EXOC2: variants seen among roughly 807,000 people sequenced by gnomAD.
EXOC2 encodes exocyst complex component 2.
In EXOC2, 70 loss-of-function variants were observed where a neutral mutation model predicts 131.8. The ratio of observed to expected loss-of-function variants is 0.53; its 90% CI spans 0.44 to 0.65. EXOC2 has a LOEUF of 0.65. EXOC2 is among the 30% of genes least tolerant of loss of function. The pLI is 0.00. For synonymous variants in EXOC2, 411 were observed against 398.4 expected (o/e 1.03, Z -0.38); for missense variants, 923 against 1,108.6 (o/e 0.83, Z 2.38).
chr6:623,288 G>A (rs1021277807), intron 4 of EXOC2, among the ~76,000 whole-genome samples: 2 of 151,908 alleles, frequency 1.3e-5, no homozygotes, highest in Admixed American at 6.6e-5. Flanking sequence ...ACCCCTACCC[G>A]GATGCGTCGT....
intron 21 of EXOC2, among the ~76,000 whole-genome samples, chr6:552,252 C>T (rs535217623): frequency 1.4e-4 from 22 of 152,376 alleles, no homozygotes; most frequent in Admixed American, 2.0e-4. Flanking sequence ...CTAGGCAGGA[C>T]GTCGCTCCCT....
intron 1 of EXOC2, among the ~76,000 whole-genome samples, chr6:672,742 T>C (rs1242923069): frequency 6.6e-6 from 1 of 152,240 alleles, no homozygotes; most frequent in African/African-American, 2.4e-5. Context: ...ATAAGGGAAG[T>C]TGCTGATTTT....
intron 1 of EXOC2, among the ~76,000 whole-genome samples, chr6:653,436 A>G (rs1321176303): frequency 6.6e-6 from 1 of 152,254 alleles, no homozygotes; most frequent in Non-Finnish European, 1.5e-5. Context: ...AAACAGCTTT[A>G]TTGCTGATAT....
At chr6:666,905 G>T in intron 1 of EXOC2, among the ~76,000 whole-genome samples, 1 of 92,546 alleles carries the variant, frequency 1.1e-5, no homozygotes, top group Non-Finnish European at 2.5e-5. Flanking sequence ...CTATCTTAGA[G>T]TTTGCAATAT....
intron 22 of EXOC2, among the ~76,000 whole-genome samples, chr6:539,144 C>T (rs1317293962): frequency 6.6e-6 from 1 of 151,884 alleles, no homozygotes; most frequent in Admixed American, 6.6e-5. Flanking sequence ...AAGGGTTTAT[C>T]TGGAGGTAGC....
intron 23 of EXOC2, among the ~76,000 whole-genome samples, chr6:510,186 G>A (rs182461968): frequency 1.3e-5 from 2 of 152,218 alleles, no homozygotes; most frequent in Admixed American, 6.5e-5. Context: ...AGCAAAATCA[G>A]CTCTTGTTGG....
chr6:505,002 A>G (rs1419059307), intron 23 of EXOC2, among the ~76,000 whole-genome samples: 3 of 152,238 alleles, frequency 2.0e-5, no homozygotes, highest in East Asian at 1.9e-4. Flanking sequence ...TCTTTCTGAA[A>G]TGCAAGGTAT....
At position 486,569 on chromosome 6, in the gene EXOC2, G is replaced by A; in HGVS notation, c.*102C>T. The A allele has an allele frequency of 9.4e-7, 1 of 1,058,958 alleles. No individual in the cohort carries two copies. The highest frequency in any genetic ancestry group is 1.4e-6 in the Non-Finnish European group (1 of 722,150). 65.6% of individuals were successfully genotyped at this position (1,058,958 alleles called of 1,614,324 possible). ...TCAGAGGAAGAAAAAAGAGAAAAAT[G>A]GCAAACCCAATGTTTAATACACCAA... On this transcript the variant is annotated 3_prime_UTR_variant, in exon 28 of 28. Transcript: ENST00000230449.
At chr6:627,469 TTCCC>T (rs1761636031) in intron 4 of EXOC2, among the ~76,000 whole-genome samples, 1 of 152,208 alleles carries the variant, frequency 6.6e-6, no homozygotes, top group Non-Finnish European at 1.5e-5. Context: ...CCTCCCCGTG[TTCCC>T]TGATGCTACA....
chr6:580,217 T>G (rs531788409), intron 11 of EXOC2, among the ~76,000 whole-genome samples: 2 of 152,258 alleles, frequency 1.3e-5, no homozygotes, highest in South Asian at 4.2e-4. Context: ...AATTTTTGTA[T>G]TTTTAGTAGA....
chr6:690,438 C>T (rs552443619), intron 1 of EXOC2, among the ~76,000 whole-genome samples: 13 of 152,326 alleles, frequency 8.5e-5, no homozygotes, highest in African/African-American at 3.1e-4. Context: ...CGGCCCGGCG[C>T]AGGGGTTCAC....
chr6:613,110 T>G (rs951655189), intron 6 of EXOC2, among the ~76,000 whole-genome samples: 2 of 152,006 alleles, frequency 1.3e-5, no homozygotes, highest in African/African-American at 2.4e-5. Context: ...CACTCCCACT[T>G]CAAGGGAACA....
chr6:621,037 G>A (rs534634210), intron 4 of EXOC2, among the ~76,000 whole-genome samples: 38 of 152,280 alleles, frequency 2.5e-4, no homozygotes, highest in African/African-American at 8.9e-4. Context: ...TCAGCCTCCA[G>A]TGGTCTCAGT....
chr6:544,562 G>A (rs758281775), intron 22 of EXOC2, among the ~76,000 whole-genome samples: 11 of 152,142 alleles, frequency 7.2e-5, no homozygotes, highest in East Asian at 1.9e-4. Flanking sequence ...TTGTTTATAC[G>A]TATAACACAA....
chr6:556,133 T>A, intron 18 of EXOC2, 120 bp from the exon 19 acceptor site: 1 of 914,072 alleles, frequency 1.1e-6, no homozygotes, highest in Non-Finnish European at 1.7e-6. Flanking sequence ...GCCCTTCCTA[T>A]AAAAGGAGGC....
At chr6:616,673 T>C (rs1448874159) in intron 6 of EXOC2, among the ~76,000 whole-genome samples, 1 of 150,404 alleles carries the variant, frequency 6.6e-6, no homozygotes, top group African/African-American at 2.4e-5. Flanking sequence ...CTGCATCACA[T>C]ACACATTTAA....
At chr6:505,005 C>CAA (rs946777780) in intron 23 of EXOC2, among the ~76,000 whole-genome samples, 4 of 152,114 alleles carry the variant, frequency 2.6e-5, no homozygotes, top group Non-Finnish European at 5.9e-5. Flanking sequence ...TTCTGAAATG[C>CAA]AAGGTATTAA....
At chr6:652,282 T>A (rs964143870) in intron 1 of EXOC2, among the ~76,000 whole-genome samples, 4 of 152,172 alleles carry the variant, frequency 2.6e-5, no homozygotes, top group African/African-American at 9.7e-5. Context: ...TAAATCAGAA[T>A]CTAGCCCAAC....
intron 27 of EXOC2, among the ~76,000 whole-genome samples, chr6:487,620 T>C (rs940686846): frequency 2.0e-5 from 3 of 152,092 alleles, no homozygotes; most frequent in African/African-American, 7.2e-5. Flanking sequence ...TTGGCCAGGA[T>C]GGTCTTGATT....
Sources: allele counts gnomAD v4.1 joint callset (sites outside exome capture counted in the v4.1 genomes callset), GRCh38; gene constraint gnomAD v4.1.1; transcripts MANE v1.5; gene names NCBI Gene and HGNC (gene_info 2026-07-23, HGNC 2026-07-21).